The following BLZF1 variants were observed in gnomAD, a reference collection of about 807,000 sequenced individuals.
BLZF1 encodes golgin-45.
Under a neutral mutation model 43.8 loss-of-function variants are expected in BLZF1, and 39 were observed. That is an observed-to-expected ratio of 0.89 (90% CI 0.69 to 1.16). BLZF1 has a LOEUF of 1.16. BLZF1 is among the 50% of genes most tolerant of loss of function. The pLI is 0.00. For missense variants in BLZF1, 449 were observed against 469.8 expected (o/e 0.96, Z 0.41); for synonymous variants, 136 against 159.4 (o/e 0.85, Z 1.11).
intron 4 of BLZF1, 132 bp downstream of exon 4, chr1:169,378,661 T>C (rs1654439093): frequency 1.3e-6 from 1 of 752,000 alleles, no homozygotes. Flanking sequence ...ATTTAAGATG[T>C]GGACTCTCTC....
At chr1:169,390,511 A>G (rs1203731432), downstream of BLZF1, among the ~76,000 whole-genome samples, 3 of 152,242 alleles carry the variant, frequency 2.0e-5, no homozygotes, top group Non-Finnish European at 4.4e-5. Context: ...GTCACCTTAC[A>G]TAAAGAAAAA....
At chr1:169,394,907 T>C in intron 7 of BLZF1, 1 of 724,728 alleles carries the variant, frequency 1.4e-6, no homozygotes, top group Non-Finnish European at 2.1e-6. Context: ...TTTGTTCTAG[T>C]ATTAAAAAAA....
At chr1:169,380,359 A>G (rs551145034) in intron 4 of BLZF1, 122 bp from the exon 5 acceptor site, 151 of 806,520 alleles carry the variant, frequency 1.9e-4, no homozygotes, top group Non-Finnish European at 1.3e-4. Flanking sequence ...AAAAACTGTG[A>G]AGTAACTATA....
chr1:169,377,067 T>C (rs1476734319), intron 3 of BLZF1, 88 bp downstream of exon 3: 3 of 1,071,004 alleles, frequency 2.8e-6, no homozygotes, highest in Non-Finnish European at 4.1e-6. Flanking sequence ...CATTTCTTTA[T>C]GGGAATGTCA....
Position 169,387,266 on chromosome 1 carries a change from C to A in BLZF1, c.*84C>A. The A allele has an allele frequency of 8.0e-7, 1 of 1,253,856 alleles. No homozygotes were observed. The highest frequency in any genetic ancestry group is 1.1e-6 in the Non-Finnish European group (1 of 892,250). 77.7% of individuals were successfully genotyped at this position (1,253,856 alleles called of 1,614,324 possible). Reference sequence around the variant, plus strand: ...TTTGGGAGCTGGGGTTCTTACAATGCTAGAAATAATATCACTTCCTATTTA... The same window carrying A: ...TTTGGGAGCTGGGGTTCTTACAATGATAGAAATAATATCACTTCCTATTTA... On this transcript the variant is annotated 3_prime_UTR_variant, in exon 7 of 7. Coordinates refer to ENST00000367808, the MANE Select transcript of BLZF1 (RefSeq NM_001320973.2).
At chr1:169,388,877 T>C (rs1045119350), downstream of BLZF1, among the ~76,000 whole-genome samples, 1 of 152,024 alleles carries the variant, frequency 6.6e-6, no homozygotes, top group African/African-American at 2.4e-5. Flanking sequence ...TCCCAGCACT[T>C]TGGGAGGCCG....
At chr1:169,383,524 C>A (rs1362848461) in intron 6 of BLZF1, among the ~76,000 whole-genome samples, 3 of 152,212 alleles carry the variant, frequency 2.0e-5, no homozygotes, top group Non-Finnish European at 4.4e-5. Flanking sequence ...TGTACTTAAA[C>A]ACCATCCATT....
At chr1:169,377,683 C>T (rs923411199) in intron 3 of BLZF1, among the ~76,000 whole-genome samples, 1 of 151,968 alleles carries the variant, frequency 6.6e-6, no homozygotes, top group Non-Finnish European at 1.5e-5. Flanking sequence ...TCCAGCTATA[C>T]GTGCATAACC....
At chr1:169,375,567 G>A (rs984285415) in intron 2 of BLZF1, among the ~76,000 whole-genome samples, 7 of 150,022 alleles carry the variant, frequency 4.7e-5, no homozygotes, top group African/African-American at 1.7e-4. Context: ...ATATTATCCT[G>A]TAATACATTT....
chr1:169,384,809 T>A (rs1654624261), intron 6 of BLZF1, among the ~76,000 whole-genome samples: 1 of 152,180 alleles, frequency 6.6e-6, no homozygotes, highest in Admixed American at 6.5e-5. Flanking sequence ...TAACTGCTCT[T>A]TACTGTATTA....
intron 5 of BLZF1, among the ~76,000 whole-genome samples, chr1:169,381,334 G>A (rs1174200781): frequency 6.6e-6 from 1 of 151,868 alleles, no homozygotes; most frequent in Non-Finnish European, 1.5e-5. Flanking sequence ...GGTTACTCAA[G>A]AACAAATAGA....
At chr1:169,391,639 T>C (rs1413377814), downstream of BLZF1, among the ~76,000 whole-genome samples, 3 of 152,254 alleles carry the variant, frequency 2.0e-5, no homozygotes, top group Non-Finnish European at 4.4e-5. Context: ...TTCCAGAGCT[T>C]ATATACCTTC....
At chr1:169,393,263 A>G (rs1402836439), downstream of BLZF1, among the ~76,000 whole-genome samples, 2 of 145,654 alleles carry the variant, frequency 1.4e-5, no homozygotes, top group Non-Finnish European at 2.9e-5. Flanking sequence ...TTCTTACTCT[A>G]CCTCACGCCA....
chr1:169,383,023 T>C (rs1451795299), intron 6 of BLZF1, among the ~76,000 whole-genome samples: 1 of 152,178 alleles, frequency 6.6e-6, no homozygotes, highest in Non-Finnish European at 1.5e-5. Context: ...TAGTTTCTCT[T>C]CCCACATAGC....
chr1:169,380,463 G>A lies in BLZF1; in HGVS notation c.669-18G>A. 1 of 1,602,032 alleles carries A rather than the reference G, an allele frequency of 6.2e-7. No individual in the cohort carries two copies. Among genetic ancestry groups the A allele is most frequent in the South Asian group, 1.1e-5 (1 of 90,104 alleles). ...TTATTGTCAGCAAATTTATATGTAA[G>A]ATTTTAATCTTTTTCAGGGTAATGG... On this transcript the variant is annotated intron_variant, in intron 4 of 6. Transcript: ENST00000367808.
At chr1:169,373,833 A>C (rs1023540528) in intron 2 of BLZF1, among the ~76,000 whole-genome samples, 2 of 152,176 alleles carry the variant, frequency 1.3e-5, no homozygotes, top group African/African-American at 4.8e-5. Context: ...ATTCCAACTC[A>C]AAAATGTTAC....
intron 3 of BLZF1, among the ~76,000 whole-genome samples, 194 bp from the exon 4 acceptor site, chr1:169,378,136 T>G (rs563592312): frequency 6.6e-6 from 1 of 151,940 alleles, no homozygotes; most frequent in Non-Finnish European, 1.5e-5. Flanking sequence ...TGGATATAGA[T>G]GTATGGAGAG....
chr1:169,386,678 C>CAAAAAAAAAAAAAAAAAAAAAAA (rs11420632), intron 6 of BLZF1, among the ~76,000 whole-genome samples: 1 of 107,624 alleles, frequency 9.3e-6, no homozygotes, highest in Non-Finnish European at 1.8e-5. Context: ...GACTCCATCT[C>CAAAAAAAAAAAAAAAAAAAAAAA]AAAAAAAAAA....
chr1:169,378,388 A>G lies in BLZF1; in HGVS notation c.527A>G (p.His176Arg). Residue 176 changes from histidine to arginine, a missense_variant, in exon 4 of 7, where the codon CAC becomes CGC. By Grantham distance (29) the His-to-Arg change is conservative. Transcript: ENST00000367808. ...TCTGTTGGGGATGATCTTCAGTATC[A>G]CTTTGAACGTCTAGCCCGTGAGAAA... ...VASVGDDLQY[H>R]FERLAREKNQ... 6.2e-7 allele frequency: 1 copy of G among 1,613,024 alleles called. No individual in the cohort carries two copies. Among genetic ancestry groups the G allele is most frequent in the East Asian group, 2.2e-5 (1 of 44,850 alleles).
Sources: allele counts gnomAD v4.1 joint callset (sites outside exome capture counted in the v4.1 genomes callset), GRCh38; gene constraint gnomAD v4.1.1; transcripts MANE v1.5; gene names NCBI Gene and HGNC (gene_info 2026-07-23, HGNC 2026-07-21).